MORC1: variants seen among roughly 807,000 people sequenced by gnomAD.
The protein encoded by MORC1 is MORC family CW-type zinc finger 1.
MORC1 carries 59 observed loss-of-function variants against 134.9 expected under a neutral mutation model. That is an observed-to-expected ratio of 0.44 (90% CI 0.35 to 0.54). The LOEUF is 0.54. Ranked by LOEUF, MORC1 falls within the 20% of genes least tolerant of loss-of-function variation. The probability of loss-of-function intolerance (pLI) is 0.00; values close to 1 mark genes in which losing one functional copy is unlikely to be tolerated. For missense variants in MORC1, 947 were observed against 1,134.5 expected (o/e 0.83, Z 2.37); for synonymous variants, 395 against 391.7 (o/e 1.01, Z -0.10).
intron 3 of MORC1, among the ~76,000 whole-genome samples, chr3:109,108,741 C>T (rs2107797478): frequency 6.6e-6 from 1 of 150,876 alleles, no homozygotes; most frequent in African/African-American, 2.4e-5. Flanking sequence ...ACTAAAAATA[C>T]AAAAAAAAAT....
chr3:108,992,167 G>A (rs910464463), intron 21 of MORC1, among the ~76,000 whole-genome samples: 3 of 151,998 alleles, frequency 2.0e-5, no homozygotes, highest in African/African-American at 7.3e-5. Flanking sequence ...AAGTTATCCA[G>A]ACACAATTTT....
intron 20 of MORC1, among the ~76,000 whole-genome samples, chr3:109,001,579 C>A (rs188720004): frequency 2.5e-4 from 38 of 152,292 alleles, no homozygotes; most frequent in Admixed American, 6.5e-4. Context: ...TCAAATCACC[C>A]TTTTCCCCCA....
At chr3:109,086,401 T>C (rs1333513468) in intron 8 of MORC1, among the ~76,000 whole-genome samples, 4 of 151,788 alleles carry the variant, frequency 2.6e-5, no homozygotes, top group Admixed American at 2.6e-4. Context: ...TTAAGTCGAG[T>C]TGATGGAGAA....
chr3:109,079,972 T>A (rs552210760), intron 8 of MORC1, among the ~76,000 whole-genome samples: 21 of 152,318 alleles, frequency 1.4e-4, no homozygotes, highest in Non-Finnish European at 1.9e-4. Flanking sequence ...ACATATTATG[T>A]GTCAGGTAGT....
rs527800307 is a variant in MORC1, at chr3:109,058,834, C to A, written c.1031+972G>T. On this transcript the variant is annotated intron_variant, in intron 12 of 27. Transcript: ENST00000232603. Reference sequence around the variant, plus strand: ...ACTGATATTCTTCTATTAAAAAAAACCCAGCATTTTGCCATTAAAACAAGT... The same window carrying A: ...ACTGATATTCTTCTATTAAAAAAAAACCAGCATTTTGCCATTAAAACAAGT... Among the ~76,000 whole-genome samples the A allele has an allele frequency of 1.9e-3, 295 of 151,650 alleles. 3 individuals are homozygous for A. The highest frequency in any genetic ancestry group is 6.8e-3 in the African/African-American group (283 of 41,410).
At chr3:109,087,056 A>C (rs749392507) in intron 8 of MORC1, among the ~76,000 whole-genome samples, 2 of 152,004 alleles carry the variant, frequency 1.3e-5, no homozygotes, top group Non-Finnish European at 2.9e-5. Context: ...CCTGTTTATG[A>C]AAGTTTAAAT....
Position 108,997,904 on chromosome 3 carries a change from G to A in MORC1, c.2187+2653C>T, listed in dbSNP as rs898864716. ...AAAGGCAGACTGATAGACATTTATT[G>A]ATTTTATTAACATAGCAAAAACAAA... On this transcript the variant is annotated intron_variant, in intron 21 of 27. Coordinates refer to ENST00000232603, the MANE Select transcript of MORC1 (RefSeq NM_014429.4). Among the ~76,000 whole-genome samples the A allele has an allele frequency of 8.5e-5, 13 of 152,242 alleles. No homozygotes were observed. In the East Asian group the frequency reaches 9.7e-4, roughly 11 times the overall value.
intron 24 of MORC1, among the ~76,000 whole-genome samples, chr3:108,972,413 ATTCC>A: frequency 6.6e-6 from 1 of 152,340 alleles, no homozygotes; most frequent in South Asian, 2.1e-4. Flanking sequence ...CACAATTTAT[ATTCC>A]CCATACTTTA....
chr3:108,998,169 C>T (rs1373901499), intron 21 of MORC1, among the ~76,000 whole-genome samples: 2 of 152,164 alleles, frequency 1.3e-5, no homozygotes, highest in Non-Finnish European at 1.5e-5. Flanking sequence ...TATAATTGGC[C>T]AGCCCATGCA....
At chr3:109,057,267 A>T (rs76855463) in intron 13 of MORC1, 76 bp downstream of exon 13, 1 of 1,449,886 alleles carries the variant, frequency 6.9e-7, no homozygotes. Flanking sequence ...TTAGTCACTC[A>T]TCTCACTCCA....
chr3:109,087,293 T>C (rs915606816), intron 8 of MORC1, among the ~76,000 whole-genome samples: 1 of 152,054 alleles, frequency 6.6e-6, no homozygotes, highest in Non-Finnish European at 1.5e-5. Context: ...ACTACGTGTG[T>C]TTGCAAACGA....
intron 2 of MORC1, among the ~76,000 whole-genome samples, chr3:109,113,906 C>A (rs1251446427): frequency 6.6e-6 from 1 of 152,142 alleles, no homozygotes; most frequent in Non-Finnish European, 1.5e-5. Context: ...ACATGTAGAA[C>A]TAGGATATTA....
Position 108,979,676 on chromosome 3 carries a change from T to C in MORC1, c.2325-9A>G. 6.2e-7 allele frequency: 1 copy of C among 1,610,694 alleles called. No individual in the cohort carries two copies. Among genetic ancestry groups the C allele is most frequent in the Non-Finnish European group, 8.5e-7 (1 of 1,178,718 alleles). ...TCGGCACATTGAGCAAGCTGAGGTT[T>C]GTCATTTCAAAGTAGAAATCATGTT... On this transcript the variant is annotated splice_polypyrimidine_tract_variant and intron_variant, in intron 23 of 27. Transcript: ENST00000232603.
chr3:109,035,355 A>G lies in MORC1; in HGVS notation c.1444T>C (p.Phe482Leu), dbSNP rs574466552. The change falls in exon 15 of 28, where the codon TTC becomes CTC. Residue 482 changes from phenylalanine (F) to leucine (L), a missense_variant. Phe to Leu is a conservative substitution (Grantham distance 22). Coordinates refer to ENST00000232603, the MANE Select transcript of MORC1 (RefSeq NM_014429.4). ...CAACACTCACCACATTGTATGATGA[A>G]TGGGATACCCATGGCTTGTCTTCTT... is the stretch of plus-strand genomic sequence containing the variant. ...YQRRQAMGIP[F>L]IIQCDLCLKW... The G allele has an allele frequency of 3.0e-5, 48 of 1,590,916 alleles. 1 individual carries two copies. In the South Asian group the frequency reaches 5.6e-4, roughly 19 times the overall value.
chr3:109,094,290 A>T (rs1950787027), intron 7 of MORC1, among the ~76,000 whole-genome samples: 1 of 152,196 alleles, frequency 6.6e-6, no homozygotes. Flanking sequence ...TAGAGTAATT[A>T]AGAGGACAAC....
chr3:109,064,801 G>A (rs944284353), intron 9 of MORC1, among the ~76,000 whole-genome samples: 4 of 152,134 alleles, frequency 2.6e-5, no homozygotes, highest in South Asian at 2.1e-4. Context: ...TTTCTGGTTC[G>A]TATAATATTG....
chr3:109,032,795 G>C lies in MORC1; in HGVS notation c.1490C>G (p.Ser497Cys). 4 of 1,606,328 alleles carry C rather than the reference G, an allele frequency of 2.5e-6. No homozygotes were observed. The highest frequency in any genetic ancestry group is 3.4e-6 in the Non-Finnish European group (4 of 1,174,518). ...TTCTTTTTCCTGATAATTAGTAGAGGAAGGCAAGACTCTCCATTTAAGACA... is the reference window on the plus strand; with the variant it reads ...TTCTTTTTCCTGATAATTAGTAGAGCAAGGCAAGACTCTCCATTTAAGACA... ...DLCLKWRVLP[S>C]STNYQEKEFF... is the part of the protein sequence containing the mutation. The change falls in exon 16 of 28, where the codon TCC becomes TGC. Residue 497 changes from serine (S) to cysteine (C), a missense_variant. Coordinates refer to ENST00000232603, the MANE Select transcript of MORC1 (RefSeq NM_014429.4).
At position 109,005,209 on chromosome 3, in the gene MORC1, A is replaced by G. The variant is rs755019604; in HGVS notation, c.1874T>C (p.Ile625Thr). The G allele has an allele frequency of 2.5e-6, 4 of 1,613,832 alleles. No homozygotes were observed. The highest frequency in any genetic ancestry group is 2.2e-5 in the East Asian group (1 of 44,856). ...SASRRGQKRN[I>T]EETDSDVEYI... is the part of the protein sequence containing the mutation. ...CTCTACATCAGAGTCTGTCTCTTCT[A>G]TGTTTCTTTTCTGTCCTCTACGGCT... The change falls in exon 19 of 28, where the codon ATA becomes ACA. Residue 625 changes from isoleucine (I) to threonine (T), a missense_variant. This residue lies in a region of MORC1 where 722 missense variants were observed against 817.0 expected (regional missense o/e 0.88). Coordinates refer to ENST00000232603, the MANE Select transcript of MORC1 (RefSeq NM_014429.4).
At chr3:109,015,119 A>C (rs1038043085) in intron 17 of MORC1, among the ~76,000 whole-genome samples, 3 of 152,112 alleles carry the variant, frequency 2.0e-5, no homozygotes, top group African/African-American at 7.2e-5. Context: ...CCTGACCTCA[A>C]GTGATCCGCC....
Sources: allele counts gnomAD v4.1 joint callset (sites outside exome capture counted in the v4.1 genomes callset), GRCh38; gene constraint gnomAD v4.1.1; regional missense constraint gnomAD v4.1.1; transcripts MANE v1.5; gene names NCBI Gene and HGNC (gene_info 2026-07-23, HGNC 2026-07-21).